MAGED1: variants seen among roughly 807,000 people sequenced by gnomAD.
MAGED1 encodes the protein melanoma-associated antigen D1.
A neutral mutation model predicts 54.1 loss-of-function variants in MAGED1; 3 were observed. The observed-to-expected ratio is 0.06, with a 90% CI of 0.03 to 0.14. The LOEUF is 0.14. Ranked by LOEUF, MAGED1 falls within the 10% of genes least tolerant of loss-of-function variation. The pLI is 1.00. For synonymous variants in MAGED1, 217 were observed against 227.3 expected, an observed-to-expected ratio of 0.95 and a Z score of 0.41; for missense variants, 485 against 623.4, an observed-to-expected ratio of 0.78 and a Z score of 2.36.
intron 1 of MAGED1, among the ~76,000 whole-genome samples, chrX:51,874,168 A>G (rs1927788653): frequency 9.0e-6 from 1 of 111,418 alleles, no homozygotes; most frequent in Non-Finnish European, 1.9e-5. Flanking sequence ...GGAGGATATC[A>G]TGGTAAGCAA....
Position 51,862,434 on chromosome X carries a change from A to G in MAGED1, c.-36-31835A>G, listed in dbSNP as rs782039972. Reference sequence around the variant, plus strand: ...CGACCAGGACAAGAAATAGAACATTATCAGTACTTTAGTGCCCTATCCAAT... The same window carrying G: ...CGACCAGGACAAGAAATAGAACATTGTCAGTACTTTAGTGCCCTATCCAAT... On this transcript the variant is annotated intron_variant, in intron 1 of 12. Transcript: ENST00000375772. Among the ~76,000 whole-genome samples the G allele has an allele frequency of 2.1e-4, 23 of 111,693 alleles. 1 individual carries two copies. The Middle Eastern group carries it at 0.033, about 158-fold the overall frequency.
Position 51,896,439 on chromosome X carries a change from A to C in MAGED1, c.784A>C (p.Ser262Arg). Residue 262 changes from serine to arginine, a missense_variant, in exon 4 of 13, where the codon AGT (serine) becomes CGT (arginine). Coordinates refer to ENST00000326587, the MANE Select transcript of MAGED1 (RefSeq NM_006986.4). ...INNLNVEENSSGDQRRAPLAA... is the reference protein window; with the variant it reads ...INNLNVEENSRGDQRRAPLAA... ...TAACTTGAATGTTGAAGAGAACAGC[A>C]GTGGGGATCAGAGGCGGGCCCCACT... The C allele has an allele frequency of 8.3e-7, 1 of 1,210,909 alleles. No homozygotes were observed. Among genetic ancestry groups the C allele is most frequent in the Non-Finnish European group, 1.1e-6 (1 of 894,946 alleles).
chrX:51,814,591 A>T (rs782286240), intron 1 of MAGED1, among the ~76,000 whole-genome samples: 2 of 111,620 alleles, frequency 1.8e-5, no homozygotes, highest in South Asian at 7.7e-4. Flanking sequence ...ACAAAAAAAC[A>T]AGTACAGTCA....
At chrX:51,879,414 T>C (rs902543946) in intron 1 of MAGED1, among the ~76,000 whole-genome samples, 10 of 111,780 alleles carry the variant, frequency 8.9e-5, no homozygotes, top group African/African-American at 2.3e-4. Flanking sequence ...TCTTCTCCTT[T>C]ACTTTTGAAA....
intron 1 of MAGED1, among the ~76,000 whole-genome samples, chrX:51,884,771 C>T (rs1424820724): frequency 8.9e-6 from 1 of 112,312 alleles, no homozygotes; most frequent in African/African-American, 3.2e-5. Context: ...AAACGTTATA[C>T]ACCATGACCA....
intron 11 of MAGED1, among the ~76,000 whole-genome samples, chrX:51,900,949 A>T (rs1190604656): frequency 8.9e-6 from 1 of 112,414 alleles, no homozygotes; most frequent in African/African-American, 3.2e-5. Flanking sequence ...ATTTATTTTT[A>T]ACTGACTAAT....
chrX:51,860,829 A>C (rs1430028728), intron 1 of MAGED1, among the ~76,000 whole-genome samples: 1 of 110,520 alleles, frequency 9.0e-6, no homozygotes, highest in East Asian at 2.9e-4. Context: ...AGCAGAAGAA[A>C]GGTAGGAGGG....
intron 1 of MAGED1, among the ~76,000 whole-genome samples, chrX:51,850,669 C>A (rs782478129): frequency 1.8e-5 from 2 of 111,100 alleles, no homozygotes; most frequent in Non-Finnish European, 3.8e-5. Context: ...GAGGCCAAGG[C>A]AGGCACATCA....
intron 1 of MAGED1, among the ~76,000 whole-genome samples, chrX:51,827,013 G>T (rs1282373022): frequency 8.9e-6 from 1 of 112,225 alleles, no homozygotes; most frequent in African/African-American, 3.2e-5. Flanking sequence ...ATAAATTGTA[G>T]TGCGTCCAGA....
chrX:51,845,770 A>G (rs1389329350), intron 1 of MAGED1, among the ~76,000 whole-genome samples: 17 of 110,252 alleles, frequency 1.5e-4, no homozygotes, highest in Non-Finnish European at 3.2e-4. Flanking sequence ...ATCTGATGTG[A>G]ATGTTTTGTT....
chrX:51,852,810 A>G (rs1557359878), intron 1 of MAGED1, among the ~76,000 whole-genome samples: 1 of 112,110 alleles, frequency 8.9e-6, no homozygotes, highest in Non-Finnish European at 1.9e-5. Flanking sequence ...GCATTTGTAA[A>G]GCTAGGCTCT....
intron 1 of MAGED1, among the ~76,000 whole-genome samples, chrX:51,872,880 C>T (rs1927732266): frequency 9.0e-6 from 1 of 111,127 alleles, no homozygotes; most frequent in South Asian, 3.8e-4. Flanking sequence ...GTGAATAACC[C>T]ATCCCTTATT....
chrX:51,833,719 G>A (rs782049067), intron 1 of MAGED1, among the ~76,000 whole-genome samples: 1 of 111,938 alleles, frequency 8.9e-6, no homozygotes, highest in South Asian at 3.7e-4. Context: ...TTTAACTAGG[G>A]ACAGTATATG....
chrX:51,900,700 G>A (rs1928981740), intron 11 of MAGED1, among the ~76,000 whole-genome samples: 1 of 111,498 alleles, frequency 9.0e-6, no homozygotes. Context: ...CGCAATCTTG[G>A]CTCACTGCAA....
chrX:51,900,052 A>G lies in MAGED1; in HGVS notation c.1845-130A>G, dbSNP rs1928939511. On this transcript the variant is annotated intron_variant, in intron 10 of 12. Coordinates refer to ENST00000326587, the MANE Select transcript of MAGED1 (RefSeq NM_006986.4). ...TGATGATTAAGGGGTAAATACCCTG[A>G]TGGTGTTCAGGAATGAGCCCAAGGG... The G allele has an allele frequency of 3.3e-5, 16 of 483,092 alleles. No homozygotes were observed. In the South Asian group the frequency reaches 3.9e-4, roughly 12 times the overall value. 39.8% of individuals were successfully genotyped at this position (483,092 alleles called of 1,213,427 possible). A position where few individuals can be genotyped will look rare whatever the true frequency, so the allele number is the denominator to read the frequency against.
intron 1 of MAGED1, among the ~76,000 whole-genome samples, chrX:51,860,099 C>G (rs1289398001): frequency 2.7e-5 from 3 of 110,666 alleles, no homozygotes; most frequent in African/African-American, 9.9e-5. Flanking sequence ...AACCCTGTCT[C>G]TACTACAAAT....
chrX:51,809,414 G>A (rs1018348755), intron 1 of MAGED1, among the ~76,000 whole-genome samples: 2 of 111,607 alleles, frequency 1.8e-5, no homozygotes, highest in African/African-American at 3.3e-5. Context: ...CACCGCGCCC[G>A]GCCCCTTAGT....
At chrX:51,871,889 C>A (rs782594201) in intron 1 of MAGED1, among the ~76,000 whole-genome samples, 1 of 111,796 alleles carries the variant, frequency 8.9e-6, no homozygotes, top group Non-Finnish European at 1.9e-5. Flanking sequence ...CCAGTGCCAC[C>A]AACAGTGTAA....
intron 1 of MAGED1, among the ~76,000 whole-genome samples, chrX:51,858,790 G>A (rs139397878): frequency 0.012 from 1,306 of 111,445 alleles, 21 homozygotes; most frequent in African/African-American, 0.04. Flanking sequence ...ATAAGGAAGT[G>A]GAGAAGCTAG....
Sources: allele counts gnomAD v4.1 joint callset (sites outside exome capture counted in the v4.1 genomes callset), GRCh38; gene constraint gnomAD v4.1.1; transcripts MANE v1.5; gene names NCBI Gene and HGNC (gene_info 2026-07-23, HGNC 2026-07-21).